TWIST2: variants seen among roughly 807,000 people sequenced by gnomAD.
TWIST2 encodes twist family bHLH transcription factor 2.
A neutral mutation model predicts 11.6 loss-of-function variants in TWIST2; 1 was observed. The ratio of observed to expected loss-of-function variants is 0.09; its 90% CI spans 0.03 to 0.41. The LOEUF is 0.41. Ranked by LOEUF, TWIST2 falls within the 10% of genes least tolerant of loss-of-function variation. The pLI is 0.98. For synonymous variants in TWIST2, 87 were observed against 96.6 expected, an observed-to-expected ratio of 0.90 and a Z score of 0.58; for missense variants, 168 against 226.4, an observed-to-expected ratio of 0.74 and a Z score of 1.66.
At chr2:238,900,784 G>A (rs1444783230) in intron 1 of TWIST2, among the ~76,000 whole-genome samples, 4 of 152,138 alleles carry the variant, frequency 2.6e-5, no homozygotes, top group Admixed American at 6.5e-5. Flanking sequence ...AGCCGTAGGA[G>A]GTTGCCCTAC....
chr2:238,857,009 G>T (rs1030422713), intron 1 of TWIST2, among the ~76,000 whole-genome samples: 1 of 152,182 alleles, frequency 6.6e-6, no homozygotes, highest in Non-Finnish European at 1.5e-5. Flanking sequence ...TGTGACAATC[G>T]CAGGTGATTC....
intron 1 of TWIST2, among the ~76,000 whole-genome samples, chr2:238,857,237 G>C (rs777953511): frequency 1.3e-4 from 20 of 152,154 alleles, no homozygotes; most frequent in Non-Finnish European, 2.6e-4. Flanking sequence ...GCAAGTAGCT[G>C]TCCCACCACC....
chr2:238,885,503 A>G (rs1035104828), intron 1 of TWIST2, among the ~76,000 whole-genome samples: 3 of 152,182 alleles, frequency 2.0e-5, no homozygotes, highest in East Asian at 1.9e-4. Context: ...GCCATAGCAC[A>G]CAGAAGATGT....
At chr2:238,880,274 CTAG>C (rs1022747021) in intron 1 of TWIST2, among the ~76,000 whole-genome samples, 109 of 116,452 alleles carry the variant, frequency 9.4e-4, no homozygotes, top group Non-Finnish European at 1.5e-3. Flanking sequence ...AGTGTTAGTA[CTAG>C]TATTTATTAG....
chr2:238,870,812 CCACACACCCCA>C (rs1284114881), intron 1 of TWIST2, among the ~76,000 whole-genome samples: 2 of 63,358 alleles, frequency 3.2e-5, no homozygotes, highest in Non-Finnish European at 6.4e-5. Context: ...CATGCACACA[CCACACACCCCA>C]CACACACCAC....
chr2:238,872,593 A>G (rs879800788), intron 1 of TWIST2, among the ~76,000 whole-genome samples: 3 of 152,196 alleles, frequency 2.0e-5, no homozygotes, highest in African/African-American at 4.8e-5. Flanking sequence ...TGATACAAAT[A>G]TGAGTCTTCA....
In TWIST2 at chr2:238,888,522, C is replaced by G. The variant is rs535481736; in HGVS notation, c.*36-21320C>G. 3.9e-3 allele frequency among the ~76,000 whole-genome samples: 589 copies of G among 152,262 alleles called. 4 individuals carry two copies. Among genetic ancestry groups the G allele is most frequent in the Non-Finnish European group, 6.6e-3 (451 of 68,022 alleles). ...CCCTTATAAACATCGACTTTGACAC[C>G]ACTCTGTATATTCATGGGGTCTGTA... On this transcript the variant is annotated intron_variant, in intron 1 of 1. Transcript: ENST00000612363.
chr2:238,868,645 G>C (rs1692587767), intron 1 of TWIST2, among the ~76,000 whole-genome samples: 1 of 152,212 alleles, frequency 6.6e-6, no homozygotes, highest in Non-Finnish European at 1.5e-5. Flanking sequence ...GACTGTGTCT[G>C]TGGGACAAGC....
chr2:238,869,795 A>G (rs1399657100), intron 1 of TWIST2, among the ~76,000 whole-genome samples: 2 of 152,134 alleles, frequency 1.3e-5, no homozygotes, highest in East Asian at 3.9e-4. Context: ...ATGAAAATAA[A>G]AAAGTAGCAG....
rs1304935908 is a variant in TWIST2, at chr2:238,866,201, G to A, written c.*35+17468G>A. On this transcript the variant is annotated intron_variant, in intron 1 of 1. Coordinates refer to ENST00000612363, the MANE Select transcript of TWIST2 (RefSeq NM_001271893.4). The surrounding 1 kb of genome is among the most constrained non-coding windows in gnomAD (Gnocchi z 4.9). Reference sequence around the variant, plus strand: ...CCAGGTTCCCCATGGCACGGGCCCTGCCTGCTCTTCTGTGAGCTGCCTCTG... The same window carrying A: ...CCAGGTTCCCCATGGCACGGGCCCTACCTGCTCTTCTGTGAGCTGCCTCTG... Among the ~76,000 whole-genome samples, 3 of 152,208 alleles carry A rather than the reference G, an allele frequency of 2.0e-5. No homozygotes were observed. Among genetic ancestry groups the A allele is most frequent in the Non-Finnish European group, 4.4e-5 (3 of 68,042 alleles).
intron 1 of TWIST2, among the ~76,000 whole-genome samples, chr2:238,908,414 T>C (rs1400444395): frequency 6.8e-6 from 1 of 147,884 alleles, no homozygotes; most frequent in East Asian, 2.1e-4. Flanking sequence ...TACCACACAC[T>C]GCACACACCA....
chr2:238,897,200 C>T (rs990281560), intron 1 of TWIST2, among the ~76,000 whole-genome samples: 2 of 152,172 alleles, frequency 1.3e-5, no homozygotes, highest in South Asian at 4.1e-4. Context: ...TGCGTTCCTC[C>T]TGCCGCACTT....
chr2:238,905,935 G>A (rs1190752877), intron 1 of TWIST2, among the ~76,000 whole-genome samples: 1 of 119,068 alleles, frequency 8.4e-6, no homozygotes, highest in Non-Finnish European at 1.8e-5. Context: ...GCGTGTGCGC[G>A]TGTGTGTGCG....
At chr2:238,870,315 AC>A (rs1456698738) in intron 1 of TWIST2, among the ~76,000 whole-genome samples, 1 of 52 alleles carries the variant, frequency 0.019, no homozygotes, top group African/African-American at 0.083. Context: ...CACCCCACAC[AC>A]CCCCACACAC....
chr2:238,896,515 A>G (rs1693209451), intron 1 of TWIST2, among the ~76,000 whole-genome samples: 2 of 152,194 alleles, frequency 1.3e-5, no homozygotes, highest in African/African-American at 4.8e-5. Context: ...CCAAGTCACC[A>G]GCTGGCTCCC....
At position 238,848,570 on chromosome 2, in the gene TWIST2, C is replaced by T. The variant is rs387906973; in HGVS notation, c.355C>T (p.Gln119Ter). 5.7e-6 allele frequency: 9 copies of T among 1,582,640 alleles called. No homozygotes were observed. The Admixed American group carries it at 1.4e-4, about 25-fold the overall frequency. The change falls in exon 1 of 2, where the codon CAG (glutamine) becomes TAG (stop). Residue 119 changes from glutamine to a stop codon, truncating the protein, a stop_gained. Transcript: ENST00000612363. LOFTEE classifies it high-confidence loss of function. ...CGCCAGGTACATAGACTTCCTCTAC[C>T]AGGTCCTGCAGAGCGACGAGATGGA... is the stretch of plus-strand genomic sequence containing the variant. ...LAARYIDFLY[Q>*]VLQSDEMDNK... is the part of the protein sequence containing the mutation.
At chr2:238,879,940 T>G (rs1692876801) in intron 1 of TWIST2, among the ~76,000 whole-genome samples, 1 of 152,222 alleles carries the variant, frequency 6.6e-6, no homozygotes, top group African/African-American at 2.4e-5. Flanking sequence ...TGGGGCATGG[T>G]TCAAAACCCA....
At chr2:238,903,311 GAT>G (rs1335030192) in intron 1 of TWIST2, among the ~76,000 whole-genome samples, 2 of 148,396 alleles carry the variant, frequency 1.3e-5, no homozygotes, top group African/African-American at 5.0e-5. Flanking sequence ...TGGGATGTGT[GAT>G]ATAGTGTGTG....
chr2:238,905,027 A>G (rs1693324529), intron 1 of TWIST2, among the ~76,000 whole-genome samples: 1 of 147,556 alleles, frequency 6.8e-6, no homozygotes, highest in African/African-American at 2.5e-5. Context: ...GGAAGAAAGA[A>G]GTAGGTAGGT....
Sources: allele counts gnomAD v4.1 joint callset (sites outside exome capture counted in the v4.1 genomes callset), GRCh38; gene constraint gnomAD v4.1.1; non-coding constraint Gnocchi (gnomAD v3.1); transcripts MANE v1.5; gene names NCBI Gene and HGNC (gene_info 2026-07-23, HGNC 2026-07-21).